PAH: variants seen among roughly 807,000 people sequenced by gnomAD.
PAH encodes phenylalanine-4-hydroxylase.
Under a neutral mutation model 62.0 loss-of-function variants are expected in PAH, and 64 were observed. That is an observed-to-expected ratio of 1.03 (90% confidence interval 0.84 to 1.27). PAH has a LOEUF of 1.27. PAH is among the 50% of genes most tolerant of loss of function. The pLI, the probability that PAH is intolerant of heterozygous loss-of-function variation, is 0.00. For synonymous variants in PAH, 195 were observed against 196.2 expected (o/e 0.99, Z 0.05); for missense variants, 579 against 542.8 (o/e 1.07, Z -0.66).
In PAH at chr12:102,839,137, C is replaced by T. The variant is rs775652203; in HGVS notation, c.*38G>A. 4.4e-6 allele frequency: 7 copies of T among 1,594,952 alleles called. No homozygotes were observed. The highest frequency in any genetic ancestry group is 3.3e-5 in the South Asian group (3 of 90,718). ...AAAGAAATAGTTGGATCTCCATCAA[C>T]AGATTCACAGCTGACAGACCACATT... is the stretch of plus-strand genomic sequence containing the variant. On this transcript the variant is annotated 3_prime_UTR_variant, in exon 13 of 13. Transcript: ENST00000553106.
chr12:102,845,060 A>G (rs1874776543), intron 9 of PAH, among the ~76,000 whole-genome samples: 1 of 151,998 alleles, frequency 6.6e-6, no homozygotes, highest in South Asian at 2.1e-4. Context: ...ACTAGTACAC[A>G]CCTCAAAGAA....
At chr12:102,951,370 G>C (rs1393770691), upstream of PAH, among the ~76,000 whole-genome samples, 1 of 152,134 alleles carries the variant, frequency 6.6e-6, no homozygotes, top group African/African-American at 2.4e-5. Context: ...AGAGTTGTTG[G>C]GGGTCTATCT....
At chr12:102,840,680 G>C (rs749515905) in intron 11 of PAH, among the ~76,000 whole-genome samples, 165 bp from the exon 12 acceptor site, 2 of 152,238 alleles carry the variant, frequency 1.3e-5, no homozygotes, top group Non-Finnish European at 2.9e-5. Context: ...GTTTTAATGA[G>C]TCTTCTTGGG....
chr12:102,840,217 A>G (rs1465241426), intron 12 of PAH, among the ~76,000 whole-genome samples, 183 bp downstream of exon 12: 1 of 151,808 alleles, frequency 6.6e-6, no homozygotes, highest in African/African-American at 2.4e-5. Context: ...AAAGGACACA[A>G]GGGTAATTCT....
intron 9 of PAH, 108 bp downstream of exon 9, chr12:102,846,786 AT>A (rs1044110591): frequency 1.4e-5 from 12 of 862,208 alleles, no homozygotes; most frequent in Non-Finnish European, 2.2e-5. Context: ...CCACATTCTG[AT>A]TTTTTTCCCC....
At chr12:102,885,455 C>T (rs1384074879) in intron 3 of PAH, among the ~76,000 whole-genome samples, 2 of 152,200 alleles carry the variant, frequency 1.3e-5, no homozygotes, top group African/African-American at 4.8e-5. Context: ...GGCTGGGCTC[C>T]GCGGTTAATG....
At chr12:102,899,959 G>A (rs117485781) in intron 2 of PAH, among the ~76,000 whole-genome samples, 15,508 of 150,108 alleles carry the variant, frequency 0.1, 976 homozygotes, top group Non-Finnish European at 0.14. Context: ...GTGCAGTGGC[G>A]GTCTCTAGAT....
intron 1 of PAH, among the ~76,000 whole-genome samples, chr12:102,932,633 T>G (rs150511737): frequency 6.6e-6 from 1 of 152,192 alleles, no homozygotes; most frequent in Non-Finnish European, 1.5e-5. Context: ...TACCACCAAC[T>G]CAATTCACTT....
intron 2 of PAH, among the ~76,000 whole-genome samples, chr12:102,908,411 A>G (rs560094472): frequency 6.6e-6 from 1 of 152,228 alleles, no homozygotes; most frequent in Non-Finnish European, 1.5e-5. Context: ...TGATTATCTA[A>G]TATAAAAGCT....
At position 102,844,462 on chromosome 12, in the gene PAH, T is replaced by C. The variant is rs942516398; in HGVS notation, c.970-31A>G. 4.3e-6 allele frequency: 6 copies of C among 1,388,338 alleles called. No homozygotes were observed. In the African/African-American group the frequency reaches 8.5e-5, roughly 20 times the overall value. 86.0% of individuals were successfully genotyped at this position (1,388,338 alleles called of 1,614,324 possible). A position where few individuals can be genotyped will look rare whatever the true frequency, so the allele number is the denominator to read the frequency against. On this transcript the variant is annotated intron_variant, in intron 9 of 12. Transcript: ENST00000553106. Reference sequence around the variant, plus strand: ...ATGGAAAGTCAATCTGAGAGCACACTCTATGATGGTTAATTTTATGTGTCA... The same window carrying C: ...ATGGAAAGTCAATCTGAGAGCACACCCTATGATGGTTAATTTTATGTGTCA...
intron 3 of PAH, among the ~76,000 whole-genome samples, chr12:102,882,677 A>ATATATAT (rs1461425878): frequency 0.015 from 703 of 45,580 alleles, 3 homozygotes; most frequent in Admixed American, 0.016. Context: ...TATATATATA[A>ATATATAT]AATTTTTTTC....
At chr12:102,897,491 A>G (rs1877561529) in intron 2 of PAH, among the ~76,000 whole-genome samples, 1 of 140,316 alleles carries the variant, frequency 7.1e-6, no homozygotes, top group Non-Finnish European at 1.5e-5. Flanking sequence ...ATATATATAT[A>G]TAATTCAAAC....
At position 102,866,632 on chromosome 12, in the gene PAH, C is replaced by G. The variant is rs5030843; in HGVS notation, c.473G>C (p.Arg158Pro). 6.8e-6 allele frequency: 11 copies of G among 1,613,716 alleles called. No homozygotes were observed. Among genetic ancestry groups the G allele is most frequent in the Non-Finnish European group, 8.5e-6 (10 of 1,179,730 alleles). The change falls in exon 5 of 13, where the codon CGG (arginine) becomes CCG (proline). Residue 158 changes from arginine to proline, a missense_variant. Coordinates refer to ENST00000553106, the MANE Select transcript of PAH (RefSeq NM_000277.3). ...GFKDPVYRAR[R>P]KQFADIAYNY... ...GTAGGCAATGTCAGCAAACTGCTTC[C>G]GTCTTGCACGGTACACAGGATCTTT...
chr12:102,895,116 C>A (rs930407204), intron 2 of PAH, among the ~76,000 whole-genome samples, 198 bp from the exon 3 acceptor site: 2 of 152,098 alleles, frequency 1.3e-5, no homozygotes, highest in East Asian at 3.9e-4. Flanking sequence ...TACTAAGTGG[C>A]AGGAGGTGGG....
intron 3 of PAH, among the ~76,000 whole-genome samples, chr12:102,890,052 G>A (rs1877211017): frequency 6.6e-6 from 1 of 152,128 alleles, no homozygotes; most frequent in Non-Finnish European, 1.5e-5. Flanking sequence ...GAGAAGGTTG[G>A]GGTTTCTTTA....
chr12:102,944,298 A>G (rs1879406791), intron 1 of PAH, among the ~76,000 whole-genome samples: 1 of 152,154 alleles, frequency 6.6e-6, no homozygotes, highest in Non-Finnish European at 1.5e-5. Flanking sequence ...GAACATTGAT[A>G]TTGTTCTTTA....
chr12:102,952,317 T>C (rs958459568), upstream of PAH, among the ~76,000 whole-genome samples: 3 of 144,886 alleles, frequency 2.1e-5, no homozygotes, highest in South Asian at 2.1e-4. Flanking sequence ...TATTGTAAGT[T>C]TTTTTTTTCT....
intron 1 of PAH, chr12:102,958,107 G>A: frequency 1.7e-6 from 1 of 584,374 alleles, no homozygotes; most frequent in Non-Finnish European, 2.6e-6. Context: ...TTTAACTTCC[G>A]TCAGGGCTCC....
chr12:102,883,949 AAATG>A (rs1279574821), intron 3 of PAH, among the ~76,000 whole-genome samples: 1 of 152,236 alleles, frequency 6.6e-6, no homozygotes, highest in Non-Finnish European at 1.5e-5. Flanking sequence ...GGGAGGATTA[AAATG>A]AACTCATGTA....
Sources: allele counts gnomAD v4.1 joint callset (sites outside exome capture counted in the v4.1 genomes callset), GRCh38; gene constraint gnomAD v4.1.1; transcripts MANE v1.5; gene names NCBI Gene and HGNC (gene_info 2026-07-23, HGNC 2026-07-21).